Variants in ELAPOR1 observed in about 807,000 individuals in gnomAD.
The protein encoded by ELAPOR1 is endosome-lysosome associated apoptosis and autophagy regulator 1.
ELAPOR1 carries 77 observed loss-of-function variants against 119.7 expected under a neutral mutation model. The ratio of observed to expected loss-of-function variants is 0.64; its 90% confidence interval spans 0.54 to 0.78. ELAPOR1 has a LOEUF of 0.78. ELAPOR1 is among the 30% of genes least tolerant of loss of function. The pLI is 0.00. For synonymous variants in ELAPOR1, 481 were observed against 487.2 expected, an observed-to-expected ratio of 0.99 and a Z score of 0.17; for missense variants, 1,115 against 1,270.4, an observed-to-expected ratio of 0.88 and a Z score of 1.86.
At chr1:109,150,568 C>T (rs1650470258) in intron 1 of ELAPOR1, among the ~76,000 whole-genome samples, 2 of 152,128 alleles carry the variant, frequency 1.3e-5, no homozygotes, top group South Asian at 4.2e-4. Context: ...CACCCTTGAC[C>T]CTATGCGTCT....
chr1:109,123,003 T>C, intron 1 of ELAPOR1, among the ~76,000 whole-genome samples: 1 of 152,194 alleles, frequency 6.6e-6, no homozygotes, highest in Non-Finnish European at 1.5e-5. Flanking sequence ...AGGCTTATTG[T>C]CTTAAACAGG....
intron 1 of ELAPOR1, among the ~76,000 whole-genome samples, chr1:109,122,854 G>A (rs1648534299): frequency 6.6e-6 from 1 of 152,194 alleles, no homozygotes; most frequent in Non-Finnish European, 1.5e-5. Context: ...CTACTTGGGA[G>A]GCTAAGGTAG....
intron 15 of ELAPOR1, among the ~76,000 whole-genome samples, chr1:109,196,134 CA>C (rs1653780418): frequency 6.6e-6 from 1 of 151,904 alleles, no homozygotes; most frequent in South Asian, 2.1e-4. Context: ...CCAGCCTGGA[CA>C]ACACAGCAAG....
chr1:109,115,846 G>T (rs1464670139), intron 1 of ELAPOR1, among the ~76,000 whole-genome samples: 1 of 152,142 alleles, frequency 6.6e-6, no homozygotes, highest in Non-Finnish European at 1.5e-5. Flanking sequence ...TTTCCACCTA[G>T]CCGCATTATG....
In ELAPOR1 at chr1:109,202,910, C is replaced by T. The variant is rs1191595685; in HGVS notation, c.2974-34C>T. 3 of 1,612,844 alleles carry T rather than the reference C, an allele frequency of 1.9e-6. No homozygotes were observed. The African/African-American group carries it at 4.0e-5, about 22-fold the overall frequency. The stretch of plus-strand genomic sequence containing the variant: ...CTTTGTCCCCAAACTTGCCCCTGTG[C>T]AGCAGCCAGCTCCTGTCACCATCTC... On this transcript the variant is annotated intron_variant, in intron 21 of 21. Coordinates refer to ENST00000369939, the MANE Select transcript of ELAPOR1 (RefSeq NM_020775.5).
intron 12 of ELAPOR1, 51 bp from the exon 13 acceptor site, chr1:109,191,675 C>A: frequency 6.2e-7 from 1 of 1,607,074 alleles, no homozygotes; most frequent in South Asian, 1.1e-5. Context: ...CATGGGCACC[C>A]ACTTCCCCTC....
intron 3 of ELAPOR1, among the ~76,000 whole-genome samples, chr1:109,166,462 G>A (rs1330338166): frequency 6.6e-6 from 1 of 152,266 alleles, no homozygotes; most frequent in Non-Finnish European, 1.5e-5. Flanking sequence ...AGTCCAGGGT[G>A]CTTGGAGAAC....
At chr1:109,200,350 T>G (rs903313329) in intron 20 of ELAPOR1, 113 bp downstream of exon 20, 2 of 1,261,864 alleles carry the variant, frequency 1.6e-6, no homozygotes, top group Admixed American at 1.9e-5. Context: ...CTACAGACTC[T>G]GTGACTTATC....
chr1:109,197,597 A>G lies in ELAPOR1; in HGVS notation c.2245A>G (p.Thr749Ala). 6.2e-7 allele frequency: 1 copy of G among 1,614,224 alleles called. No individual in the cohort carries two copies. The highest frequency in any genetic ancestry group is 8.5e-7 in the Non-Finnish European group (1 of 1,180,050). ...CQAVIIPPEV[T>A]GYKAGVSSQP... ...GGCAGTCATCATCCCCCCAGAGGTGACAGGCTACAAGGCCGGGGTTTCCTC... is the reference window on the plus strand; with the variant it reads ...GGCAGTCATCATCCCCCCAGAGGTGGCAGGCTACAAGGCCGGGGTTTCCTC... The change falls in exon 16 of 22, where the codon ACA becomes GCA. Residue 749 changes from threonine (T) to alanine (A), a missense_variant. Transcript: ENST00000369939.
chr1:109,127,520 T>G (rs1460590725), intron 1 of ELAPOR1, among the ~76,000 whole-genome samples: 1 of 152,034 alleles, frequency 6.6e-6, no homozygotes, highest in African/African-American at 2.4e-5. Flanking sequence ...AGCCTTCAAA[T>G]TCTTTCAAGT....
intron 18 of ELAPOR1, among the ~76,000 whole-genome samples, chr1:109,199,614 T>C (rs1011797605): frequency 2.6e-5 from 4 of 152,178 alleles, no homozygotes; most frequent in Non-Finnish European, 5.9e-5. Flanking sequence ...TCTCATAAGA[T>C]GTCAGCAAAA....
chr1:109,202,036 G>A (rs558614687), intron 21 of ELAPOR1, among the ~76,000 whole-genome samples: 2 of 152,290 alleles, frequency 1.3e-5, no homozygotes, highest in Non-Finnish European at 2.9e-5. Flanking sequence ...GGAGTTGGAG[G>A]CTGCACTGAA....
intron 8 of ELAPOR1, chr1:109,187,892 A>G: frequency 8.8e-7 from 1 of 1,130,560 alleles, no homozygotes; most frequent in Non-Finnish European, 1.1e-6. Flanking sequence ...AGCTTTCTCT[A>G]AGACAACTGG....
chr1:109,164,396 T>A (rs1651445355), intron 2 of ELAPOR1, 103 bp from the exon 3 acceptor site: 1 of 975,450 alleles, frequency 1.0e-6, no homozygotes, highest in Non-Finnish European at 1.6e-6. Flanking sequence ...GCCAAACTCC[T>A]AGACCCCAAC....
In ELAPOR1 at chr1:109,189,184, G is replaced by C; in HGVS notation, c.1338G>C (p.Lys446Asn). ...TCAGTGGGATCAACTTCGAGTACAAGGGCATGACAGGTAATTGCCTCTCCC... is the reference window on the plus strand; with the variant it reads ...TCAGTGGGATCAACTTCGAGTACAACGGCATGACAGGTAATTGCCTCTCCC... ...TVLSGINFEY[K>N]GMTGWEVAGD... The change falls in exon 10 of 22, where the codon AAG (lysine) becomes AAC (asparagine). Residue 446 changes from lysine to asparagine, a missense_variant. Physicochemically the swap from Lys to Asn is moderately conservative, Grantham distance 94. Coordinates refer to ENST00000369939, the MANE Select transcript of ELAPOR1 (RefSeq NM_020775.5). 6.2e-7 allele frequency: 1 copy of C among 1,613,650 alleles called. No homozygotes were observed. Among genetic ancestry groups the C allele is most frequent in the Non-Finnish European group, 8.5e-7 (1 of 1,179,832 alleles).
At chr1:109,183,524 G>T (rs1372101148) in intron 7 of ELAPOR1, among the ~76,000 whole-genome samples, 1 of 150,482 alleles carries the variant, frequency 6.6e-6, no homozygotes, top group African/African-American at 2.5e-5. Flanking sequence ...AAAACTGATA[G>T]TTCACGTTTT....
rs1651283992 is a variant in ELAPOR1 at position 109,161,899 on chromosome 1, G to A, written c.159G>A (p.Glu53=). The change falls in exon 2 of 22, where the codon GAG becomes GAA. Residue 53 remains glutamate (E), a synonymous_variant. Transcript: ENST00000369939. ...CACTGTTCTCTCCCCTGCAGTCTGAGTACCACTATGAGTACACGGCGTGTG... is the reference window on the plus strand; with the variant it reads ...CACTGTTCTCTCCCCTGCAGTCTGAATACCACTATGAGTACACGGCGTGTG... ...GPELHACKES[E]YHYEYTACDS... 1 of 1,611,830 alleles carries A rather than the reference G, an allele frequency of 6.2e-7. No homozygotes were observed. Among genetic ancestry groups the A allele is most frequent in the Middle Eastern group, 1.7e-4 (1 of 6,052 alleles).
intron 7 of ELAPOR1, among the ~76,000 whole-genome samples, chr1:109,183,246 G>T (rs528572518): frequency 1.1e-3 from 171 of 150,276 alleles, no homozygotes; most frequent in Non-Finnish European, 1.9e-3. Flanking sequence ...CAGCACTTTG[G>T]GTGGGTGGCT....
intron 1 of ELAPOR1, among the ~76,000 whole-genome samples, chr1:109,160,654 A>G (rs1299298777): frequency 1.3e-5 from 2 of 152,240 alleles, no homozygotes; most frequent in African/African-American, 2.4e-5. Flanking sequence ...ATGTTATGCA[A>G]TCAGGCTATC....
Sources: allele counts gnomAD v4.1 joint callset (sites outside exome capture counted in the v4.1 genomes callset), GRCh38; gene constraint gnomAD v4.1.1; transcripts MANE v1.5; gene names NCBI Gene and HGNC (gene_info 2026-07-23, HGNC 2026-07-21).